LDB2: variants seen among roughly 807,000 people sequenced by gnomAD.
The protein encoded by LDB2 is LIM domain binding 2.
A neutral mutation model predicts 44.3 loss-of-function variants in LDB2; 12 were observed. The ratio of observed to expected loss-of-function variants is 0.27; its 90% confidence interval spans 0.17 to 0.44. The LOEUF (loss-of-function observed/expected upper bound fraction) is 0.44. Ranked by LOEUF, LDB2 falls within the 20% of genes least tolerant of loss-of-function variation. LDB2 has a pLI of 1.00. For synonymous variants in LDB2, 164 were observed against 174.8 expected (o/e 0.94, Z 0.49); for missense variants, 344 against 473.5 (o/e 0.73, Z 2.54).
chr4:16,662,176 A>G (rs967175552), intron 2 of LDB2, among the ~76,000 whole-genome samples: 1 of 152,162 alleles, frequency 6.6e-6, no homozygotes, highest in Non-Finnish European at 1.5e-5. Context: ...GACTCATGCC[A>G]TTCCTCACCA....
chr4:16,596,023 A>G (rs577601352), intron 2 of LDB2, 148 bp from the exon 3 acceptor site: 4 of 748,580 alleles, frequency 5.3e-6, no homozygotes, highest in Admixed American at 3.0e-5. Context: ...AAAAACAGCC[A>G]TGACCCTTCT....
At chr4:16,615,478 C>T (rs1198656073) in intron 2 of LDB2, among the ~76,000 whole-genome samples, 2 of 152,122 alleles carry the variant, frequency 1.3e-5, no homozygotes, top group African/African-American at 4.8e-5. Flanking sequence ...AGCTGGAAGC[C>T]ATCAACCTCA....
intron 1 of LDB2, among the ~76,000 whole-genome samples, chr4:16,855,519 A>C (rs953930352): frequency 6.6e-6 from 1 of 152,180 alleles, no homozygotes; most frequent in Non-Finnish European, 1.5e-5. Context: ...GTTGAAAAGC[A>C]ACTCACAAAT....
At chr4:16,736,056 C>A (rs949003353) in intron 2 of LDB2, among the ~76,000 whole-genome samples, 3 of 152,180 alleles carry the variant, frequency 2.0e-5, no homozygotes, top group Non-Finnish European at 4.4e-5. Context: ...CCCAGCAGCA[C>A]CAGCCATCAC....
At chr4:16,825,858 A>T (rs908177851) in intron 1 of LDB2, among the ~76,000 whole-genome samples, 6 of 152,264 alleles carry the variant, frequency 3.9e-5, no homozygotes, top group East Asian at 3.9e-4. Context: ...AGCAATTTTC[A>T]TTTTCTCTAG....
intron 6 of LDB2, among the ~76,000 whole-genome samples, chr4:16,510,099 G>A (rs921788462): frequency 6.6e-6 from 1 of 152,110 alleles, no homozygotes; most frequent in African/African-American, 2.4e-5. Context: ...GGGTGACAGA[G>A]CAAGACCATG....
At position 16,893,699 on chromosome 4, in the gene LDB2, G is replaced by A. The variant is rs542557213; in HGVS notation, c.132+4655C>T. On this transcript the variant is annotated intron_variant, in intron 1 of 7. Transcript: ENST00000304523. ...GATTGTAATCACAGTTTTCTCTTTTGGAAGAGGATGTGTAATATTGATAAA... is the reference window on the plus strand; with the variant it reads ...GATTGTAATCACAGTTTTCTCTTTTAGAAGAGGATGTGTAATATTGATAAA... Among the ~76,000 whole-genome samples, 8 of 152,110 alleles carry A rather than the reference G, an allele frequency of 5.3e-5. No individual in the cohort carries two copies. In the East Asian group the frequency reaches 1.5e-3, roughly 29 times the overall value.
At chr4:16,606,931 T>A (rs1306936402) in intron 2 of LDB2, among the ~76,000 whole-genome samples, 1 of 152,232 alleles carries the variant, frequency 6.6e-6, no homozygotes, top group Non-Finnish European at 1.5e-5. Flanking sequence ...GACATATGTG[T>A]GTAATTTCCA....
intron 2 of LDB2, among the ~76,000 whole-genome samples, chr4:16,681,140 T>C (rs990728766): frequency 2.6e-5 from 4 of 152,208 alleles, no homozygotes; most frequent in Non-Finnish European, 5.9e-5. Flanking sequence ...ACCAATTACA[T>C]GAACCCTTTA....
chr4:16,567,746 G>A (rs1196550921), intron 5 of LDB2, among the ~76,000 whole-genome samples: 1 of 152,188 alleles, frequency 6.6e-6, no homozygotes, highest in Non-Finnish European at 1.5e-5. Flanking sequence ...CTCCAGCCTG[G>A]GCGACAGAGC....
At chr4:16,896,648 C>T (rs1396807870) in intron 1 of LDB2, among the ~76,000 whole-genome samples, 2 of 151,170 alleles carry the variant, frequency 1.3e-5, no homozygotes, top group African/African-American at 4.9e-5. Flanking sequence ...CATAATGGTC[C>T]CTGGCCTCTT....
intron 2 of LDB2, among the ~76,000 whole-genome samples, chr4:16,606,355 G>T (rs1005230206): frequency 3.3e-5 from 5 of 152,056 alleles, no homozygotes; most frequent in Admixed American, 3.3e-4. Flanking sequence ...TTCTCAACAG[G>T]GTAGAAAGGG....
At chr4:16,829,563 A>G (rs1783688320) in intron 1 of LDB2, among the ~76,000 whole-genome samples, 1 of 152,182 alleles carries the variant, frequency 6.6e-6, no homozygotes, top group Non-Finnish European at 1.5e-5. Context: ...CCCTGGTTAA[A>G]TCCTGTGTGT....
At chr4:16,805,736 T>C (rs1222343646) in intron 1 of LDB2, among the ~76,000 whole-genome samples, 2 of 152,224 alleles carry the variant, frequency 1.3e-5, no homozygotes, top group Non-Finnish European at 2.9e-5. Context: ...ATGATTCCTC[T>C]GACTGCATGT....
intron 1 of LDB2, among the ~76,000 whole-genome samples, chr4:16,805,345 C>A (rs1325218244): frequency 6.6e-6 from 1 of 152,210 alleles, no homozygotes; most frequent in African/African-American, 2.4e-5. Context: ...TCTATATCAG[C>A]AAGTGTTTAT....
intron 1 of LDB2, among the ~76,000 whole-genome samples, chr4:16,836,668 C>A (rs1445021450): frequency 6.6e-6 from 1 of 152,178 alleles, no homozygotes; most frequent in East Asian, 1.9e-4. Flanking sequence ...GCTATTTTTT[C>A]CTTCCAAATC....
chr4:16,859,812 G>A (rs535785946), intron 1 of LDB2, among the ~76,000 whole-genome samples: 139 of 152,312 alleles, frequency 9.1e-4, no homozygotes, highest in Middle Eastern at 6.8e-3. Context: ...GACACATTTC[G>A]TAATGAAATA....
intron 2 of LDB2, among the ~76,000 whole-genome samples, chr4:16,703,472 G>T (rs1331633793): frequency 6.6e-6 from 1 of 152,182 alleles, no homozygotes; most frequent in African/African-American, 2.4e-5. Flanking sequence ...TTATCCAAGG[G>T]TAATCTCATG....
intron 2 of LDB2, among the ~76,000 whole-genome samples, chr4:16,705,134 T>C (rs1293456160): frequency 2.6e-5 from 4 of 152,148 alleles, no homozygotes; most frequent in Non-Finnish European, 5.9e-5. Flanking sequence ...TACATAAATA[T>C]GTCATATATA....
Sources: gnomAD v4.1 joint callset for allele counts (sites outside exome capture counted in the v4.1 genomes callset) on GRCh38, gnomAD v4.1.1 for gene constraint, MANE v1.5 for transcripts, NCBI Gene and HGNC (gene_info 2026-07-23, HGNC 2026-07-21) for gene names.